Variants in DRG1 observed in about 807,000 individuals in gnomAD.
DRG1 encodes the protein developmentally regulated GTP binding protein 1.
DRG1 carries 19 observed loss-of-function variants against 38.8 expected under a neutral mutation model. The observed-to-expected ratio is 0.49, with a 90% confidence interval of 0.34 to 0.72. The LOEUF is 0.72. Among genes scored for constraint, DRG1 ranks in the 30% least tolerant of loss-of-function variants. The probability of loss-of-function intolerance (pLI) is 0.01; values close to 1 mark genes in which losing one functional copy is unlikely to be tolerated. For synonymous variants in DRG1, 167 were observed against 157.5 expected (o/e 1.06, Z -0.45); for missense variants, 299 against 444.8 (o/e 0.67, Z 2.95).
intron 8 of DRG1, among the ~76,000 whole-genome samples, chr22:31,429,847 C>G (rs564376845): frequency 6.6e-6 from 1 of 152,130 alleles, no homozygotes; most frequent in Non-Finnish European, 1.5e-5. Flanking sequence ...CAAGGTCCGA[C>G]TTGTGTTGCC....
At chr22:31,400,799 A>G (rs1320050671) in intron 2 of DRG1, 56 bp downstream of exon 2, 2 of 1,569,588 alleles carry the variant, frequency 1.3e-6, no homozygotes, top group African/African-American at 2.8e-5. Context: ...TCAAAATAGT[A>G]CATACATGTG....
intron 8 of DRG1, among the ~76,000 whole-genome samples, chr22:31,430,693 C>T (rs2050133848): frequency 6.6e-6 from 1 of 151,988 alleles, no homozygotes; most frequent in South Asian, 2.1e-4. Context: ...GCCATCATGC[C>T]CGGCCACTAC....
At chr22:31,405,778 T>A (rs1039578436) in intron 3 of DRG1, among the ~76,000 whole-genome samples, 4 of 151,654 alleles carry the variant, frequency 2.6e-5, no homozygotes, top group Non-Finnish European at 4.4e-5. Flanking sequence ...AATCTCCGCC[T>A]CCCGGGTTCA....
chr22:31,404,656 C>G (rs1304835765), intron 3 of DRG1, among the ~76,000 whole-genome samples: 1 of 152,136 alleles, frequency 6.6e-6, no homozygotes, highest in African/African-American at 2.4e-5. Context: ...GCATCTTGCT[C>G]TGTCTCCCAG....
intron 3 of DRG1, among the ~76,000 whole-genome samples, chr22:31,407,550 G>T (rs1195589851): frequency 6.6e-6 from 1 of 152,034 alleles, no homozygotes; most frequent in East Asian, 1.9e-4. Flanking sequence ...TGTCCAGGCT[G>T]GTCTTGAACT....
intron 3 of DRG1, 132 bp from the exon 4 acceptor site, chr22:31,410,880 C>G: frequency 1.2e-6 from 1 of 859,348 alleles, no homozygotes; most frequent in East Asian, 2.9e-5. Flanking sequence ...TTCACACACT[C>G]GCTTATAAGG....
chr22:31,430,871 C>T (rs1338845823), intron 8 of DRG1, among the ~76,000 whole-genome samples: 1 of 151,924 alleles, frequency 6.6e-6, no homozygotes, highest in Non-Finnish European at 1.5e-5. Flanking sequence ...GTGTATGCCA[C>T]CATGCCCAGC....
intron 8 of DRG1, among the ~76,000 whole-genome samples, chr22:31,427,646 G>A (rs1422691188): frequency 6.6e-6 from 1 of 152,146 alleles, no homozygotes; most frequent in African/African-American, 2.4e-5. Context: ...GCTCACTGGA[G>A]CCTCAATCTT....
chr22:31,421,776 A>G (rs564118342), intron 5 of DRG1, among the ~76,000 whole-genome samples: 1 of 152,224 alleles, frequency 6.6e-6, no homozygotes, highest in East Asian at 1.9e-4. Context: ...TATCAACTTT[A>G]ATGTCATGGG....
intron 6 of DRG1, among the ~76,000 whole-genome samples, chr22:31,425,633 G>A (rs1364493816): frequency 1.3e-5 from 2 of 151,966 alleles, no homozygotes; most frequent in Non-Finnish European, 2.9e-5. Context: ...TAGAGATGTT[G>A]TTTCACCACG....
At chr22:31,420,991 G>A (rs773096574) in intron 5 of DRG1, among the ~76,000 whole-genome samples, 2 of 152,204 alleles carry the variant, frequency 1.3e-5, no homozygotes, top group Non-Finnish European at 2.9e-5. Flanking sequence ...ACATGAAGGT[G>A]TGAACCAAGT....
chr22:31,407,762 GTTTA>G (rs1021915412), intron 3 of DRG1, among the ~76,000 whole-genome samples: 1 of 149,436 alleles, frequency 6.7e-6, no homozygotes, highest in African/African-American at 2.5e-5. Flanking sequence ...TTTCATTGCA[GTTTA>G]TTTAATGCAA....
At position 31,400,810 on chromosome 22, in the gene DRG1, G is replaced by A. The variant is rs191457002; in HGVS notation, c.166+67G>A. On this transcript the variant is annotated intron_variant, in intron 2 of 8. Coordinates refer to ENST00000331457, the MANE Select transcript of DRG1 (RefSeq NM_004147.4). ...TTTGTCAAAATAGTACATACATGTG[G>A]TTTAAAAATAACTAAAGATGGCCCA... 1.0e-4 allele frequency: 160 copies of A among 1,541,228 alleles called. 1 individual carries two copies. The East Asian group carries it at 3.7e-3, about 36-fold the overall frequency.
At chr22:31,425,471 G>T (rs1048254487) in intron 6 of DRG1, among the ~76,000 whole-genome samples, 1 of 144,700 alleles carries the variant, frequency 6.9e-6, no homozygotes, top group Non-Finnish European at 1.5e-5. Flanking sequence ...ACAGAGTCAT[G>T]CTCTTGTCGC....
intron 4 of DRG1, among the ~76,000 whole-genome samples, chr22:31,418,965 G>C (rs959755977): frequency 2.0e-5 from 3 of 152,176 alleles, no homozygotes; most frequent in African/African-American, 7.2e-5. Context: ...ACAGGCGTGA[G>C]CCACTGCGCC....
intron 6 of DRG1, among the ~76,000 whole-genome samples, chr22:31,426,307 C>G (rs2050110055): frequency 1.3e-5 from 2 of 152,148 alleles, no homozygotes; most frequent in Non-Finnish European, 2.9e-5. Context: ...TTCAGGGATG[C>G]AAAACCTGCA....
chr22:31,422,117 A>AAAAAG lies in DRG1; in HGVS notation c.583-1160_583-1159insAGAAA, dbSNP rs371207811. On this transcript the variant is annotated intron_variant, in intron 5 of 8. Transcript: ENST00000331457. Reference sequence around the variant, plus strand: ...AGAGCGGGACTCCGTCTCAAAAAAAAAAAGAAAGAAAGAAAGAAAAGAAAA... The same window carrying AAAAAG: ...AGAGCGGGACTCCGTCTCAAAAAAAAAAAAGAAAGAAAGAAAGAAAGAAAAGAAAA... Among the ~76,000 whole-genome samples, 405 of 149,690 alleles carry AAAAAG rather than the reference A, an allele frequency of 2.7e-3. 1 individual carries two copies. The highest frequency in any genetic ancestry group is 5.0e-3 in the Non-Finnish European group (336 of 67,494).
At position 31,412,912 on chromosome 22, in the gene DRG1, T is replaced by TA. The variant is rs559304884; in HGVS notation, c.412+1832dup. 3.9e-3 allele frequency among the ~76,000 whole-genome samples: 595 copies of TA among 152,030 alleles called. 5 individuals are homozygous for TA. The highest frequency in any genetic ancestry group is 3.7e-3 in the South Asian group (18 of 4,820). On this transcript the variant is annotated intron_variant, in intron 4 of 8. Transcript: ENST00000331457. Reference sequence around the variant, plus strand: ...CATGTTGCCTGGGTTGCCTTTTTTTTATTTTTATTTTTAATTTCCATCTCC... The same window carrying TA: ...CATGTTGCCTGGGTTGCCTTTTTTTTAATTTTTATTTTTAATTTCCATCTCC...
rs574315829 is a variant in DRG1, at chr22:31,408,661, G to A, written c.343-2351G>A. Among the ~76,000 whole-genome samples the A allele has an allele frequency of 5.9e-4, 88 of 148,860 alleles. 1 individual carries two copies. The highest frequency in any genetic ancestry group is 1.2e-3 in the African/African-American group (50 of 40,518). On this transcript the variant is annotated intron_variant, in intron 3 of 8. Transcript: ENST00000331457. ...CCAGCTGCTCAGGAGGCTGAGGTGC[G>A]AGAATCGCTTGAACCTGGGAGGCGG... is the stretch of plus-strand genomic sequence containing the variant.
Sources: gnomAD v4.1 joint callset for allele counts (sites outside exome capture counted in the v4.1 genomes callset) on GRCh38, gnomAD v4.1.1 for gene constraint, MANE v1.5 for transcripts, NCBI Gene and HGNC (gene_info 2026-07-23, HGNC 2026-07-21) for gene names.